Variants in PACS2 observed in about 807,000 individuals in gnomAD.
PACS2 encodes the protein PACS1-like protein.
In PACS2, 36 loss-of-function variants were observed where a neutral mutation model predicts 113.0. That is an observed-to-expected ratio of 0.32 (90% CI 0.24 to 0.42). The LOEUF is 0.42. Among genes scored for constraint, PACS2 ranks in the 10% least tolerant of loss-of-function variants. The probability of loss-of-function intolerance (pLI) is 1.00; values close to 1 mark genes in which losing one functional copy is unlikely to be tolerated. For synonymous variants in PACS2, 589 were observed against 536.1 expected (o/e 1.10, Z -1.36); for missense variants, 1,015 against 1,239.5 (o/e 0.82, Z 2.72).
At chr14:105,331,868 G>A (rs184921439) in intron 1 of PACS2, among the ~76,000 whole-genome samples, 25 of 152,308 alleles carry the variant, frequency 1.6e-4, no homozygotes, top group South Asian at 1.0e-3. Context: ...TGAAGATGGC[G>A]TTTTTGTCCC....
chr14:105,389,856 C>T (rs1045870942), intron 19 of PACS2, 105 bp from the exon 20 acceptor site: 32 of 1,038,874 alleles, frequency 3.1e-5, no homozygotes, highest in African/African-American at 2.5e-4. Flanking sequence ...CCGGCAGGGC[C>T]GCGGCCCCAG....
intron 1 of PACS2, among the ~76,000 whole-genome samples, chr14:105,347,931 G>A (rs1226016534): frequency 3.3e-5 from 5 of 152,244 alleles, no homozygotes; most frequent in African/African-American, 1.2e-4. Flanking sequence ...CCTGGACACT[G>A]GGTGTGTCCT....
At position 105,315,868 on chromosome 14, in the gene PACS2, A is replaced by G. The variant is rs2058592266; in HGVS notation, c.119+831A>G. On this transcript the variant is annotated intron_variant, in intron 1 of 24. Transcript: ENST00000447393. The surrounding 1 kb of genome is among the most constrained non-coding windows in gnomAD (Gnocchi z 4.4). Reference sequence around the variant, plus strand: ...CTCTCCGGAAAAGTTCTGGTTCTAGAATAGACAGCAGGCGAGAAGAGGAGG... The same window carrying G: ...CTCTCCGGAAAAGTTCTGGTTCTAGGATAGACAGCAGGCGAGAAGAGGAGG... Among the ~76,000 whole-genome samples, 1 of 152,248 alleles carries G rather than the reference A, an allele frequency of 6.6e-6. No homozygotes were observed. The highest frequency in any genetic ancestry group is 1.5e-5 in the Non-Finnish European group (1 of 68,042).
At chr14:105,302,066 G>A (rs2058050620) in intron 1 of PACS2, among the ~76,000 whole-genome samples, 1 of 151,974 alleles carries the variant, frequency 6.6e-6, no homozygotes, top group Non-Finnish European at 1.5e-5. Flanking sequence ...TTGAACCTGA[G>A]AGGTGGAGGT....
At chr14:105,362,154 C>G (rs782570051) in intron 4 of PACS2, among the ~76,000 whole-genome samples, 18 of 151,366 alleles carry the variant, frequency 1.2e-4, no homozygotes, top group Non-Finnish European at 2.6e-4. Flanking sequence ...TGTGGTGGCT[C>G]ACGCCTGTCA....
At chr14:105,377,796 T>C (rs2080838235) in intron 9 of PACS2, among the ~76,000 whole-genome samples, 1 of 152,242 alleles carries the variant, frequency 6.6e-6, no homozygotes, top group Non-Finnish European at 1.5e-5. Flanking sequence ...AAACAGCCTC[T>C]GTTCCTCCTG....
rs137957000 is a variant in PACS2, at chr14:105,376,869, C to T, written c.903C>T (p.Ser301=). ...TGGACATGGAGCACCCCAGCGACAG[C>T]GGCCCCGACATGGAGGATGACGACA... ...DTLDMEHPSD[S]GPDMEDDDSV... The change falls in exon 9 of 25, where the codon AGC becomes AGT. Residue 301 remains serine, a synonymous_variant. Coordinates refer to ENST00000447393, the MANE Select transcript of PACS2 (RefSeq NM_001100913.3). This position sits in a 1 kb window ranked among gnomAD's most constrained non-coding sequence, Gnocchi z 4.7. The T allele has an allele frequency of 7.4e-5, 120 of 1,613,002 alleles. No homozygotes were observed. Among genetic ancestry groups the T allele is most frequent in the South Asian group, 2.5e-4 (23 of 91,076 alleles).
At chr14:105,352,140 C>G (rs1433349536) in intron 2 of PACS2, among the ~76,000 whole-genome samples, 1 of 152,188 alleles carries the variant, frequency 6.6e-6, no homozygotes. Flanking sequence ...GTTTCTCTCT[C>G]ATGTCTTAGG....
chr14:105,334,344 T>A (rs1049853345), intron 1 of PACS2, among the ~76,000 whole-genome samples: 9 of 152,206 alleles, frequency 5.9e-5, no homozygotes, highest in Non-Finnish European at 7.3e-5. Flanking sequence ...GAGAGAGCTG[T>A]TCCCACCTTG....
At chr14:105,381,694 T>C (rs2081000465) in intron 12 of PACS2, among the ~76,000 whole-genome samples, 1 of 152,206 alleles carries the variant, frequency 6.6e-6, no homozygotes, top group Non-Finnish European at 1.5e-5. Context: ...TGGGGTCCCA[T>C]CGGAGGCACG....
chr14:105,363,346 G>A lies in PACS2; in HGVS notation c.424-3867G>A, dbSNP rs190283517. Among the ~76,000 whole-genome samples, 11 of 151,396 alleles carry A rather than the reference G, an allele frequency of 7.3e-5. 1 individual carries two copies. The highest frequency in any genetic ancestry group is 7.2e-4 in the Admixed American group (11 of 15,294). ...GCTGTGTCTTCTACGTTGAAAATCTGTTGTTTAGTGTTAGCCACCTTCGTC... is the reference window on the plus strand; with the variant it reads ...GCTGTGTCTTCTACGTTGAAAATCTATTGTTTAGTGTTAGCCACCTTCGTC... On this transcript the variant is annotated intron_variant, in intron 4 of 24. Transcript: ENST00000447393.
At position 105,369,845 on chromosome 14, in the gene PACS2, A is replaced by G; in HGVS notation, c.746A>G (p.Gln249Arg). 6.3e-7 allele frequency: 1 copy of G among 1,597,734 alleles called. No homozygotes were observed. The highest frequency in any genetic ancestry group is 8.5e-7 in the Non-Finnish European group (1 of 1,174,856). Residue 249 changes from glutamine (Q) to arginine (R), a missense_variant, in exon 8 of 25, where the codon CAG becomes CGG. By Grantham distance (43) the Gln-to-Arg change is conservative (BLOSUM62 1). Transcript: ENST00000447393. The part of the protein sequence containing the change: ...IVRTTSMTRQ[Q>R]NFKQKVVALL... ...TCTGCACCGCCTGTCTTGCAGCAACAGAACTTCAAGCAGAAAGTGGTAGCG... is the reference window on the plus strand; with the variant it reads ...TCTGCACCGCCTGTCTTGCAGCAACGGAACTTCAAGCAGAAAGTGGTAGCG...
At chr14:105,306,265 T>G (rs587720663) in intron 1 of PACS2, among the ~76,000 whole-genome samples, 35 of 152,162 alleles carry the variant, frequency 2.3e-4, no homozygotes, top group African/African-American at 8.4e-4. Flanking sequence ...CTTTCTTCAT[T>G]CATGGTGTCT....
At chr14:105,391,606 C>A in intron 21 of PACS2, 25 bp from the exon 22 acceptor site, 2 of 1,603,598 alleles carry the variant, frequency 1.2e-6, no homozygotes, top group Non-Finnish European at 1.7e-6. Flanking sequence ...GTGGGCTCAG[C>A]CTGCCCTGTG....
intron 1 of PACS2, among the ~76,000 whole-genome samples, chr14:105,342,209 C>T (rs587743266): frequency 9.2e-5 from 14 of 151,836 alleles, no homozygotes; most frequent in African/African-American, 3.1e-4. Flanking sequence ...AGTTCATCCA[C>T]AGCAGGATCC....
At chr14:105,377,598 A>G (rs111769961) in intron 9 of PACS2, among the ~76,000 whole-genome samples, 10,327 of 152,212 alleles carry the variant, frequency 0.068, 1,182 homozygotes, top group African/African-American at 0.23. Context: ...TTGCTCTCAC[A>G]CTTTTTTAAC....
chr14:105,351,660 A>C (rs781842440), intron 2 of PACS2, among the ~76,000 whole-genome samples: 1 of 152,178 alleles, frequency 6.6e-6, no homozygotes, highest in Non-Finnish European at 1.5e-5. Flanking sequence ...CAACATGACT[A>C]ATCCTTGTCT....
intron 12 of PACS2, among the ~76,000 whole-genome samples, chr14:105,381,504 G>T (rs1397154108): frequency 6.6e-6 from 1 of 152,256 alleles, no homozygotes; most frequent in Non-Finnish European, 1.5e-5. Flanking sequence ...TTACCTTGTG[G>T]TGGCACGCAG....
chr14:105,383,460 C>A lies in PACS2; in HGVS notation c.1727C>A (p.Ser576Tyr). 1 of 1,609,126 alleles carries A rather than the reference C, an allele frequency of 6.2e-7. No homozygotes were observed. The highest frequency in any genetic ancestry group is 1.1e-5 in the South Asian group (1 of 91,038). Residue 576 changes from serine (S) to tyrosine (Y), a missense_variant, in exon 16 of 25, where the codon TCC becomes TAC. By Grantham distance (144) the Ser-to-Tyr change is moderately radical. This residue lies in a region of PACS2 where 859 missense variants were observed against 1,056.8 expected (regional missense o/e 0.81). Coordinates refer to ENST00000447393, the MANE Select transcript of PACS2 (RefSeq NM_001100913.3). The stretch of plus-strand genomic sequence containing the variant: ...CTGCGGCTCTTTGTGGAGCAGCTGT[C>A]CCACAAGACACCCGACTGGCTCGGC... The part of the protein sequence containing the change: ...AILRLFVEQL[S>Y]HKTPDWLGYM...
Sources: allele counts gnomAD v4.1 joint callset (sites outside exome capture counted in the v4.1 genomes callset), GRCh38; gene constraint gnomAD v4.1.1; regional missense constraint gnomAD v4.1.1; non-coding constraint Gnocchi (gnomAD v3.1); transcripts MANE v1.5; gene names NCBI Gene and HGNC (gene_info 2026-07-23, HGNC 2026-07-21).